SUZ12: variants seen among roughly 807,000 people sequenced by gnomAD.
SUZ12 encodes the protein SUZ12 polycomb repressive complex 2 subunit.
In SUZ12, 17 loss-of-function variants were observed where a neutral mutation model predicts 87.3. That is an observed-to-expected ratio of 0.19 (90% confidence interval 0.13 to 0.29). The LOEUF is 0.29. SUZ12 is among the 10% of genes least tolerant of loss of function. SUZ12 has a pLI of 1.00. For missense variants in SUZ12, 526 were observed against 912.2 expected (o/e 0.58, Z 5.45); for synonymous variants, 253 against 312.4 (o/e 0.81, Z 2.01).
intron 1 of SUZ12, among the ~76,000 whole-genome samples, chr17:31,938,494 T>C (rs769200676): frequency 1.3e-5 from 2 of 152,224 alleles, no homozygotes; most frequent in Non-Finnish European, 2.9e-5. Flanking sequence ...TTTAATACCC[T>C]TCCTTCATTC....
chr17:31,951,455 A>G (rs553405023), intron 4 of SUZ12, among the ~76,000 whole-genome samples: 1 of 151,780 alleles, frequency 6.6e-6, no homozygotes, highest in East Asian at 1.9e-4. Flanking sequence ...TGATAGAAAA[A>G]CATGAGCTAT....
intron 11 of SUZ12, 44 bp from the exon 12 acceptor site, chr17:31,993,821 A>G: frequency 1.3e-6 from 2 of 1,547,856 alleles, no homozygotes; most frequent in Non-Finnish European, 1.7e-6. Flanking sequence ...ATATCTTGTT[A>G]TGCGTAAATT....
At chr17:31,951,600 C>T (rs1425742712) in intron 4 of SUZ12, among the ~76,000 whole-genome samples, 3 of 151,670 alleles carry the variant, frequency 2.0e-5, no homozygotes, top group Non-Finnish European at 4.4e-5. Flanking sequence ...CTGCCTCAGC[C>T]TTCTGAGTAG....
At chr17:31,948,559 A>G (rs1906771464) in intron 4 of SUZ12, among the ~76,000 whole-genome samples, 1 of 152,190 alleles carries the variant, frequency 6.6e-6, no homozygotes, top group Non-Finnish European at 1.5e-5. Context: ...TGCATCATTT[A>G]TGCATCTCAT....
intron 5 of SUZ12, among the ~76,000 whole-genome samples, chr17:31,971,418 C>T (rs8064464): frequency 0.065 from 9,315 of 143,580 alleles, 371 homozygotes; most frequent in Middle Eastern, 0.1. Context: ...TTGTCTCCTG[C>T]AACTTTTTTT....
chr17:31,978,655 G>A (rs1309010038), intron 8 of SUZ12, among the ~76,000 whole-genome samples: 1 of 152,158 alleles, frequency 6.6e-6, no homozygotes, highest in African/African-American at 2.4e-5. Flanking sequence ...GCTGTTAATT[G>A]TTCTATTTTA....
chr17:31,943,976 G>A (rs1307961723), intron 3 of SUZ12, among the ~76,000 whole-genome samples: 3 of 152,004 alleles, frequency 2.0e-5, no homozygotes, highest in Admixed American at 2.0e-4. Context: ...GATTACAGTC[G>A]TGAGCCACCG....
chr17:31,961,127 G>C (rs537190682), intron 4 of SUZ12, among the ~76,000 whole-genome samples: 1 of 151,974 alleles, frequency 6.6e-6, no homozygotes, highest in African/African-American at 2.4e-5. Flanking sequence ...CAGGAGAATG[G>C]CTTGAACCCT....
chr17:31,969,229 C>G (rs746335234), intron 5 of SUZ12, among the ~76,000 whole-genome samples: 2 of 152,166 alleles, frequency 1.3e-5, no homozygotes, highest in Non-Finnish European at 2.9e-5. Context: ...ACCACAACCT[C>G]TACCTCCCGG....
chr17:31,979,221 CATTTG>C (rs1304745331), intron 8 of SUZ12, among the ~76,000 whole-genome samples: 2 of 151,484 alleles, frequency 1.3e-5, no homozygotes, highest in East Asian at 1.9e-4. Context: ...CATTTTGCCA[CATTTG>C]ATTTATTTAT....
intron 14 of SUZ12, among the ~76,000 whole-genome samples, 168 bp from the exon 15 acceptor site, chr17:31,996,630 A>AT (rs147276681): frequency 6.6e-6 from 1 of 152,034 alleles, no homozygotes; most frequent in East Asian, 1.9e-4. Flanking sequence ...AACTAAATAA[A>AT]TAAATTAAAT....
chr17:31,999,101 A>G lies in SUZ12; in HGVS notation c.*98A>G. The G allele has an allele frequency of 9.7e-7, 1 of 1,031,394 alleles. No homozygotes were observed. Among genetic ancestry groups the G allele is most frequent in the Non-Finnish European group, 1.4e-6 (1 of 737,698 alleles). The allele number at this position is 1,031,394 out of a possible 1,614,324, so 63.9% of individuals were successfully genotyped here. The stretch of plus-strand genomic sequence containing the variant: ...TTTTGTTTTTAATCATATGTTCCAA[A>G]CAGGCACTGTTAGATGAAGTAAATG... On this transcript the variant is annotated 3_prime_UTR_variant, in exon 16 of 16. Transcript: ENST00000322652.
Position 31,937,375 on chromosome 17 carries a change from C to A in SUZ12, c.129C>A (p.Gly43=). ...CGGCTTCGGGCGGCAAATCCGGCGG[C>A]GGGAGCTGTGGAGGGGGTGGCAGTT... ...AATASGGKSG[G]GSCGGGGSYS... is the part of the protein sequence containing the mutation. The change falls in exon 1 of 16, where the codon GGC becomes GGA. Residue 43 remains glycine, a synonymous_variant. Coordinates refer to ENST00000322652, the MANE Select transcript of SUZ12 (RefSeq NM_015355.4). 6.6e-7 allele frequency: 1 copy of A among 1,506,656 alleles called. No homozygotes were observed. Among genetic ancestry groups the A allele is most frequent in the Non-Finnish European group, 8.8e-7 (1 of 1,129,968 alleles). The allele number at this position is 1,506,656 out of a possible 1,614,324, so 93.3% of individuals were successfully genotyped here.
chr17:31,997,970 G>T (rs912401514), intron 15 of SUZ12, among the ~76,000 whole-genome samples: 1 of 152,068 alleles, frequency 6.6e-6, no homozygotes, highest in Non-Finnish European at 1.5e-5. Context: ...TGGTGTGGTG[G>T]CTCACACTTA....
intron 5 of SUZ12, 22 bp from the exon 6 acceptor site, chr17:31,973,124 A>T: frequency 6.6e-7 from 1 of 1,519,064 alleles, no homozygotes; most frequent in South Asian, 1.3e-5. Context: ...AATATATTTT[A>T]AAATACTGAT....
In SUZ12 at chr17:31,999,560, TATA is replaced by T. The variant is rs1910153231; in HGVS notation, c.*560_*562del. ...CATTTGTCAATTCGGAATGAAAAAT[TATA>T]ATGTAATTTTACATTACATAAGTTC... On this transcript the variant is annotated 3_prime_UTR_variant, in exon 16 of 16. Transcript: ENST00000322652. The T allele has an allele frequency of 4.3e-6, 1 of 231,110 alleles. No individual in the cohort carries two copies. Among genetic ancestry groups the T allele is most frequent in the Non-Finnish European group, 8.6e-6 (1 of 116,788 alleles). 14.3% of individuals were successfully genotyped at this position (231,110 alleles called of 1,614,324 possible).
At chr17:31,973,670 A>T (rs542640799) in intron 6 of SUZ12, among the ~76,000 whole-genome samples, 5 of 152,294 alleles carry the variant, frequency 3.3e-5, no homozygotes, top group African/African-American at 1.2e-4. Context: ...ACTTATTAGT[A>T]CATTGCTTCA....
At chr17:31,946,868 C>CT (rs1317566315) in intron 3 of SUZ12, among the ~76,000 whole-genome samples, 2 of 151,990 alleles carry the variant, frequency 1.3e-5, no homozygotes, top group Non-Finnish European at 2.9e-5. Context: ...TGGGAAATAG[C>CT]TTTTTTCTCT....
chr17:31,943,864 AT>A (rs1293700683), intron 3 of SUZ12, among the ~76,000 whole-genome samples: 4 of 151,714 alleles, frequency 2.6e-5, no homozygotes, highest in Non-Finnish European at 5.9e-5. Context: ...CACCCAGCTA[AT>A]TTTTGTATTT....
Sources: allele counts gnomAD v4.1 joint callset (sites outside exome capture counted in the v4.1 genomes callset), GRCh38; gene constraint gnomAD v4.1.1; transcripts MANE v1.5; gene names NCBI Gene and HGNC (gene_info 2026-07-23, HGNC 2026-07-21).